Variants in KCND3 observed in about 807,000 individuals in gnomAD.
The protein encoded by KCND3 is potassium voltage-gated channel subfamily D member 3.
KCND3 carries 9 observed loss-of-function variants against 51.1 expected under a neutral mutation model. The ratio of observed to expected loss-of-function variants is 0.18; its 90% CI spans 0.11 to 0.31. The LOEUF is 0.31. Among genes scored for constraint, KCND3 ranks in the 10% least tolerant of loss-of-function variants. The pLI, the probability that KCND3 is intolerant of heterozygous loss-of-function variation, is 1.00. For synonymous variants in KCND3, 349 were observed against 368.0 expected (o/e 0.95, Z 0.59); for missense variants, 526 against 903.8 (o/e 0.58, Z 5.36).
chr1:111,965,500 T>C (rs1157398330), intron 2 of KCND3, among the ~76,000 whole-genome samples: 1 of 62,064 alleles, frequency 1.6e-5, no homozygotes, highest in African/African-American at 5.3e-5. Flanking sequence ...GCCAGGAGCA[T>C]GGTGTCAGGT....
chr1:111,859,575 C>T (rs955162398), intron 2 of KCND3, among the ~76,000 whole-genome samples: 4 of 152,172 alleles, frequency 2.6e-5, no homozygotes, highest in African/African-American at 9.7e-5. Context: ...TTGTTTGAGT[C>T]TGGACAGTAC....
intron 2 of KCND3, among the ~76,000 whole-genome samples, chr1:111,829,539 A>G (rs1381219468): frequency 3.3e-5 from 5 of 152,146 alleles, no homozygotes; most frequent in Non-Finnish European, 4.4e-5. Flanking sequence ...TGGGGGAAAG[A>G]CTACAAATCT....
Position 111,853,364 on chromosome 1 carries a change from A to C in KCND3, c.1107-66258T>G, listed in dbSNP as rs74109709. Among the ~76,000 whole-genome samples the C allele has an allele frequency of 9.1e-3, 1,383 of 152,354 alleles. 23 individuals are homozygous for C. Among genetic ancestry groups the C allele is most frequent in the African/African-American group, 0.031 (1,305 of 41,586 alleles). On this transcript the variant is annotated intron_variant, in intron 2 of 7. Coordinates refer to ENST00000302127, the MANE Select transcript of KCND3 (RefSeq NM_001378969.1). Reference sequence around the variant, plus strand: ...TTGTATGTGAAAGTGGCAAGCAGGCAGCAGACCTTCAATTGAGGTCTGGTG... The same window carrying C: ...TTGTATGTGAAAGTGGCAAGCAGGCCGCAGACCTTCAATTGAGGTCTGGTG...
intron 2 of KCND3, among the ~76,000 whole-genome samples, chr1:111,919,289 G>A (rs533977615): frequency 6.6e-6 from 1 of 151,736 alleles, no homozygotes; most frequent in Admixed American, 6.6e-5. Context: ...AATGAAGTAA[G>A]AGAGGGTAAT....
At chr1:111,962,692 G>C (rs956269812) in intron 2 of KCND3, among the ~76,000 whole-genome samples, 3 of 152,192 alleles carry the variant, frequency 2.0e-5, no homozygotes, top group Non-Finnish European at 2.9e-5. Flanking sequence ...CAGTCCACAT[G>C]GTTCATGGTT....
intron 2 of KCND3, among the ~76,000 whole-genome samples, chr1:111,797,611 G>C (rs1441200243): frequency 6.6e-6 from 1 of 152,172 alleles, no homozygotes; most frequent in Non-Finnish European, 1.5e-5. Context: ...GATGTATGCA[G>C]GGTCCTGTGT....
chr1:111,908,339 A>G (rs912611659), intron 2 of KCND3, among the ~76,000 whole-genome samples: 1 of 152,254 alleles, frequency 6.6e-6, no homozygotes, highest in Non-Finnish European at 1.5e-5. Flanking sequence ...TCAGTTGCAC[A>G]GTAAAAATAA....
rs561189642 is a variant in KCND3 at position 111,981,260 on chromosome 1, T to G, written c.1106+361A>C. On this transcript the variant is annotated intron_variant, in intron 2 of 7. Transcript: ENST00000302127. The surrounding 1 kb of genome is among the most constrained non-coding windows in gnomAD (Gnocchi z 6.2). ...TCTCCTCCCTCCCCAACAACTGCCC[T>G]GACCTTCTCCCCACGCTGCCCCATA... Among the ~76,000 whole-genome samples the G allele has an allele frequency of 1.3e-5, 2 of 152,206 alleles. No individual in the cohort carries two copies. Among genetic ancestry groups the G allele is most frequent in the South Asian group, 4.2e-4 (2 of 4,812 alleles).
Position 111,977,699 on chromosome 1 carries a change from A to G in KCND3, c.1106+3922T>C, listed in dbSNP as rs1052616754. 2.2e-4 allele frequency among the ~76,000 whole-genome samples: 33 copies of G among 152,048 alleles called. 1 individual carries two copies. The highest frequency in any genetic ancestry group is 8.0e-4 in the African/African-American group (33 of 41,396). On this transcript the variant is annotated intron_variant, in intron 2 of 7. Transcript: ENST00000302127. ...CTCGCTTGCAAGGCTTTACTCTCACATGCTCTCCTCTTTCCCAGTCCCTCC... is the reference window on the plus strand; with the variant it reads ...CTCGCTTGCAAGGCTTTACTCTCACGTGCTCTCCTCTTTCCCAGTCCCTCC...
intron 2 of KCND3, among the ~76,000 whole-genome samples, chr1:111,884,574 T>A (rs1275110053): frequency 6.6e-6 from 1 of 152,042 alleles, no homozygotes; most frequent in East Asian, 1.9e-4. Flanking sequence ...CGCTGAGAGA[T>A]CTCCTTGGAG....
chr1:111,951,164 A>C (rs1396476488), intron 2 of KCND3, among the ~76,000 whole-genome samples: 1 of 114,108 alleles, frequency 8.8e-6, no homozygotes, highest in Non-Finnish European at 1.8e-5. Flanking sequence ...GAGCAAAAAA[A>C]AAAAAAAAAA....
At chr1:111,809,845 A>C (rs1218866924) in intron 2 of KCND3, among the ~76,000 whole-genome samples, 1 of 152,212 alleles carries the variant, frequency 6.6e-6, no homozygotes, top group Non-Finnish European at 1.5e-5. Flanking sequence ...GGGGGTGTTC[A>C]TCAGCTCCAG....
chr1:111,899,234 C>G (rs774499038), intron 2 of KCND3, among the ~76,000 whole-genome samples: 2 of 152,190 alleles, frequency 1.3e-5, no homozygotes, highest in Non-Finnish European at 2.9e-5. Flanking sequence ...CTCCACAGAG[C>G]CCTGATAGTA....
chr1:111,777,346 T>G, intron 6 of KCND3, 73 bp from the exon 7 acceptor site: 1 of 1,507,664 alleles, frequency 6.6e-7, no homozygotes, highest in Non-Finnish European at 9.2e-7. Flanking sequence ...ATACTCTGTA[T>G]GGCTGCCTGT....
At chr1:111,958,969 A>G (rs11803716) in intron 2 of KCND3, among the ~76,000 whole-genome samples, 1,730 of 152,264 alleles carry the variant, frequency 0.011, 24 homozygotes, top group African/African-American at 0.039. Context: ...TTGCTTTAGA[A>G]TGACACTCAT....
rs140071209 is a variant in KCND3 at position 111,811,732 on chromosome 1, A to T, written c.1107-24626T>A. Among the ~76,000 whole-genome samples, 321 of 152,312 alleles carry T rather than the reference A, an allele frequency of 2.1e-3. 5 individuals are homozygous for T. Among genetic ancestry groups the T allele is most frequent in the African/African-American group, 7.1e-3 (296 of 41,572 alleles). On this transcript the variant is annotated intron_variant, in intron 2 of 7. Transcript: ENST00000302127. Reference sequence around the variant, plus strand: ...ATAAGACAAAGCCTTCATTATTTTTAAAAAATCAATTGGCTCCATTATGGT... The same window carrying T: ...ATAAGACAAAGCCTTCATTATTTTTTAAAAATCAATTGGCTCCATTATGGT...
intron 2 of KCND3, among the ~76,000 whole-genome samples, chr1:111,930,982 C>A (rs1671943616): frequency 6.6e-6 from 1 of 152,180 alleles, no homozygotes; most frequent in African/African-American, 2.4e-5. Context: ...CAGCCCCATC[C>A]CACGACACCC....
At chr1:111,807,967 G>C (rs1054564274) in intron 2 of KCND3, among the ~76,000 whole-genome samples, 1 of 152,122 alleles carries the variant, frequency 6.6e-6, no homozygotes, top group Non-Finnish European at 1.5e-5. Flanking sequence ...GAACTAAAAA[G>C]TGACCTAGAA....
chr1:111,910,419 G>C (rs979062320), intron 2 of KCND3: 1 of 152,268 alleles, frequency 6.6e-6, no homozygotes, highest in Non-Finnish European at 1.5e-5. Flanking sequence ...CTGATCAAGA[G>C]TGGGGAGGAC....
Sources: allele counts gnomAD v4.1 joint callset (sites outside exome capture counted in the v4.1 genomes callset), GRCh38; gene constraint gnomAD v4.1.1; non-coding constraint Gnocchi (gnomAD v3.1); transcripts MANE v1.5; gene names NCBI Gene and HGNC (gene_info 2026-07-23, HGNC 2026-07-21).